GARNL3: variants seen among roughly 807,000 people sequenced by gnomAD.
GARNL3 encodes GTPase-activating Rap/Ran-GAP domain-like protein 3.
GARNL3 carries 63 observed loss-of-function variants against 125.0 expected under a neutral mutation model. The observed-to-expected ratio is 0.50, with a 90% CI of 0.41 to 0.62. The LOEUF (loss-of-function observed/expected upper bound fraction) is 0.62, where lower values mean the gene tolerates loss of function less well. Among genes scored for constraint, GARNL3 ranks in the 20% least tolerant of loss-of-function variants. The pLI, the probability that GARNL3 is intolerant of heterozygous loss-of-function variation, is 0.00. For synonymous variants in GARNL3, 439 were observed against 457.5 expected (o/e 0.96, Z 0.52); for missense variants, 994 against 1,244.0 (o/e 0.80, Z 3.02).
rs117637556 is a variant in GARNL3, at chr9:127,277,771, C to T, written c.144+12750C>T. The stretch of plus-strand genomic sequence containing the variant: ...TAGAATGCCCTCTTGAAATATGCCT[C>T]TGTTGAGTGTCATTTTTTCCATGCA... On this transcript the variant is annotated intron_variant, in intron 1 of 27. Transcript: ENST00000373387. 8.4e-3 allele frequency among the ~76,000 whole-genome samples: 1,284 copies of T among 152,226 alleles called. 13 individuals are homozygous for T. Among genetic ancestry groups the T allele is most frequent in the Non-Finnish European group, 0.015 (988 of 68,018 alleles).
rs1422725652 is a variant in GARNL3, at chr9:127,308,534, T to C, written c.220-3102T>C. Among the ~76,000 whole-genome samples the C allele has an allele frequency of 2.0e-5, 3 of 147,598 alleles. No individual in the cohort carries two copies. The East Asian group carries it at 5.9e-4, about 29-fold the overall frequency. On this transcript the variant is annotated intron_variant, in intron 2 of 27. Coordinates refer to ENST00000373387, the MANE Select transcript of GARNL3 (RefSeq NM_032293.5). Reference sequence around the variant, plus strand: ...GCACATGTACCCCTTCAACCTAAAATACAAAATGGAAACAAAAAAAAAAAT... The same window carrying C: ...GCACATGTACCCCTTCAACCTAAAACACAAAATGGAAACAAAAAAAAAAAT...
upstream of GARNL3, chr9:127,263,557 A>C (rs1419377699): frequency 2.4e-6 from 1 of 419,160 alleles, no homozygotes; most frequent in Non-Finnish European, 3.2e-6. Flanking sequence ...CTTCAAAATG[A>C]GCTAAGAAAA....
At chr9:127,391,532 A>AAAAAAG (rs1554741697) in intron 27 of GARNL3, among the ~76,000 whole-genome samples, 3 of 116,026 alleles carry the variant, frequency 2.6e-5, no homozygotes, top group African/African-American at 9.4e-5. Context: ...TACAAAAAAA[A>AAAAAAG]AATATATATA....
chr9:127,310,321 T>G, intron 2 of GARNL3, among the ~76,000 whole-genome samples: 1 of 152,126 alleles, frequency 6.6e-6, no homozygotes, highest in East Asian at 1.9e-4. Flanking sequence ...AAAAATACCA[T>G]AGAACAAGTT....
At position 127,291,245 on chromosome 9, in the gene GARNL3, A is replaced by G; in HGVS notation, c.219+3A>G. ...TGGAAAATGGCTCTTCAGATGAGGT[A>G]AGGAAGCCTCCCCACTTCCTGTAAT... On this transcript the variant is annotated splice_donor_region_variant and intron_variant, in intron 2 of 27. Transcript: ENST00000373387. 6.2e-7 allele frequency: 1 copy of G among 1,613,494 alleles called. No individual in the cohort carries two copies. Among genetic ancestry groups the G allele is most frequent in the Non-Finnish European group, 8.5e-7 (1 of 1,179,466 alleles).
At position 127,280,026 on chromosome 9, in the gene GARNL3, G is replaced by A. The variant is rs1020249334; in HGVS notation, c.145-11142G>A. Among the ~76,000 whole-genome samples the A allele has an allele frequency of 6.6e-6, 1 of 152,068 alleles. No individual in the cohort carries two copies. The highest frequency in any genetic ancestry group is 1.5e-5 in the Non-Finnish European group (1 of 68,014). On this transcript the variant is annotated intron_variant, in intron 1 of 27. Coordinates refer to ENST00000373387, the MANE Select transcript of GARNL3 (RefSeq NM_032293.5). The surrounding 1 kb of genome is among the most constrained non-coding windows in gnomAD (Gnocchi z 4.5). ...TGGCTTTTTGCTGCTCTGTACCAGC[G>A]GCTCTAGAATTTATACATAACAGGG...
At chr9:127,330,701 A>G (rs1409429527) in intron 7 of GARNL3, among the ~76,000 whole-genome samples, 1 of 148,732 alleles carries the variant, frequency 6.7e-6, no homozygotes, top group Non-Finnish European at 1.5e-5. Context: ...GGGTGGCTTT[A>G]TATGGGGAGA....
intron 2 of GARNL3, among the ~76,000 whole-genome samples, chr9:127,248,566 A>G (rs1210155642): frequency 8.1e-6 from 1 of 123,240 alleles, no homozygotes; most frequent in East Asian, 2.2e-4. Context: ...CAGCAAGGAA[A>G]TTTCTTATTT....
intron 1 of GARNL3, among the ~76,000 whole-genome samples, chr9:127,234,120 T>G (rs2063068955): frequency 6.6e-6 from 1 of 152,218 alleles, no homozygotes; most frequent in Non-Finnish European, 1.5e-5. Context: ...TGTCTAGTAT[T>G]GGGCTGACAT....
exon 2 of GARNL3, chr9:127,243,121 G>T: frequency 7.3e-7 from 1 of 1,364,818 alleles, no homozygotes; most frequent in Non-Finnish European, 9.8e-7. Context: ...ACCCGTTAAC[G>T]AAGGTGCCTT....
intron 1 of GARNL3, among the ~76,000 whole-genome samples, chr9:127,230,063 C>T (rs1289283092): frequency 6.6e-6 from 1 of 152,218 alleles, no homozygotes; most frequent in Non-Finnish European, 1.5e-5. Context: ...GAATAAGACA[C>T]TTATGCTGTT....
chr9:127,386,979 G>A (rs979383433), intron 24 of GARNL3, among the ~76,000 whole-genome samples: 4 of 152,234 alleles, frequency 2.6e-5, no homozygotes, highest in Non-Finnish European at 2.9e-5. Flanking sequence ...ATGATGAAAA[G>A]TGGCGGGGAG....
At position 127,355,397 on chromosome 9, in the gene GARNL3, G is replaced by A. The variant is rs1052620473; in HGVS notation, c.1860G>A (p.Lys620=). The A allele has an allele frequency of 2.5e-6, 4 of 1,614,128 alleles. No homozygotes were observed. The highest frequency in any genetic ancestry group is 2.7e-5 in the African/African-American group (2 of 74,944). Residue 620 remains lysine, a synonymous_variant, in exon 20 of 28, where the codon AAG becomes AAA. Coordinates refer to ENST00000373387, the MANE Select transcript of GARNL3 (RefSeq NM_032293.5). ...TTCTGATCACAAGAAAACACAACAA[G>A]CCAAGCGGGGTCACCAGCACCTCAT... ...KLLLITRKHN[K]PSGVTSTSLL... is the part of the protein sequence containing the mutation.
intron 1 of GARNL3, among the ~76,000 whole-genome samples, chr9:127,284,659 CA>C (rs1564879822): frequency 6.6e-6 from 1 of 151,848 alleles, no homozygotes; most frequent in Admixed American, 6.6e-5. Context: ...GCACCTATCA[CA>C]TTATGTGTTT....
At chr9:127,246,552 T>TCCCAGGAC (rs936126679) in intron 2 of GARNL3, among the ~76,000 whole-genome samples, 1 of 152,162 alleles carries the variant, frequency 6.6e-6, no homozygotes, top group Non-Finnish European at 1.5e-5. Flanking sequence ...ATGCCCTTAA[T>TCCCAGGAC]CCCAGGACTT....
chr9:127,371,662 A>G (rs542506816), intron 22 of GARNL3, among the ~76,000 whole-genome samples: 26 of 152,374 alleles, frequency 1.7e-4, no homozygotes, highest in Non-Finnish European at 3.1e-4. Context: ...AAGATTTTCA[A>G]TGTCATAGTT....
At chr9:127,344,402 T>C (rs1211951465) in intron 15 of GARNL3, 63 bp downstream of exon 15, 3 of 1,080,494 alleles carry the variant, frequency 2.8e-6, no homozygotes, top group Non-Finnish European at 4.3e-6. Flanking sequence ...CCTAACCAGA[T>C]GGCCCATGTG....
intron 2 of GARNL3, among the ~76,000 whole-genome samples, chr9:127,253,026 T>C (rs1482554033): frequency 6.6e-6 from 1 of 152,240 alleles, no homozygotes; most frequent in East Asian, 1.9e-4. Context: ...AATGAATTTT[T>C]TGAGATGAAC....
At chr9:127,293,986 C>T (rs569506881) in intron 2 of GARNL3, among the ~76,000 whole-genome samples, 7 of 152,174 alleles carry the variant, frequency 4.6e-5, no homozygotes, top group Non-Finnish European at 1.0e-4. Flanking sequence ...CTGCTCGGTG[C>T]TGTGACAACT....
Sources: gnomAD v4.1 joint callset for allele counts (sites outside exome capture counted in the v4.1 genomes callset) on GRCh38, gnomAD v4.1.1 for gene constraint, Gnocchi (gnomAD v3.1) non-coding constraint, MANE v1.5 for transcripts, NCBI Gene and HGNC (gene_info 2026-07-23, HGNC 2026-07-21) for gene names.